NDE1: variants seen among roughly 807,000 people sequenced by gnomAD.
NDE1 encodes the protein nuclear distribution protein nudE homolog 1.
In NDE1, 28 loss-of-function variants were observed where a neutral mutation model predicts 43.4. That is an observed-to-expected ratio of 0.65 (90% CI 0.48 to 0.89). NDE1 has a LOEUF of 0.89. NDE1 is among the 40% of genes least tolerant of loss of function. The probability of loss-of-function intolerance (pLI) is 0.00; values close to 1 mark genes in which losing one functional copy is unlikely to be tolerated. For synonymous variants in NDE1, 184 were observed against 172.0 expected, an observed-to-expected ratio of 1.07 and a Z score of -0.55; for missense variants, 441 against 434.1, an observed-to-expected ratio of 1.02 and a Z score of -0.14.
chr16:15,692,983 G>A (rs1027046939), intron 6 of NDE1, among the ~76,000 whole-genome samples: 4 of 151,258 alleles, frequency 2.6e-5, no homozygotes, highest in East Asian at 1.9e-4. Context: ...TCTTGGGTGG[G>A]GCCTGAAATT....
At chr16:15,680,892 G>A (rs1017773235) in intron 4 of NDE1, among the ~76,000 whole-genome samples, 43 of 151,714 alleles carry the variant, frequency 2.8e-4, no homozygotes, top group African/African-American at 8.2e-4. Flanking sequence ...AATTTTTTCC[G>A]TGGTAATCTT....
At chr16:15,650,315 G>A in intron 1 of NDE1, 21 bp downstream of exon 1, 1 of 267,930 alleles carries the variant, frequency 3.7e-6, no homozygotes, top group Non-Finnish European at 7.7e-6. Context: ...CGCTGCGCGG[G>A]GCTGGGGTCG....
rs71134448 is a variant in NDE1, at chr16:15,681,253, CTTTTTTTTTTT to C, written c.386+3324_386+3334del. On this transcript the variant is annotated intron_variant, in intron 4 of 8. Coordinates refer to ENST00000396354, the MANE Select transcript of NDE1 (RefSeq NM_017668.3). Reference sequence around the variant, plus strand: ...TTGTGCCAGCACTGTTAAACACTGCCTTTTTTTTTTTTTTTTTTTTTTTTTTTTTTGAGACT... The same window carrying C: ...TTGTGCCAGCACTGTTAAACACTGCCTTTTTTTTTTTTTTTTTTTGAGACT... Among the ~76,000 whole-genome samples the C allele has an allele frequency of 1.9e-4, 6 of 31,428 alleles. 1 individual carries two copies. The highest frequency in any genetic ancestry group is 3.3e-4 in the Non-Finnish European group (6 of 18,410). 20.6% of individuals were successfully genotyped at this position (31,428 alleles called of 152,430 possible).
intron 8 of NDE1, among the ~76,000 whole-genome samples, chr16:15,706,907 A>G (rs571861850): frequency 1.2e-3 from 187 of 152,270 alleles, no homozygotes; most frequent in Non-Finnish European, 1.9e-3. Context: ...AGCCTGCAAG[A>G]TACTCTGTTT....
chr16:15,687,521 C>A lies in NDE1; in HGVS notation c.523+10C>A. The stretch of plus-strand genomic sequence containing the variant: ...AAGGATGAAGCCAGAGGTCAGGAGG[C>A]CTTGGTGTCTTCACCAGCATGGTCC... On this transcript the variant is annotated intron_variant, in intron 5 of 8. Transcript: ENST00000396354. The A allele has an allele frequency of 3.7e-6, 6 of 1,610,588 alleles. No individual in the cohort carries two copies. Among genetic ancestry groups the A allele is most frequent in the Non-Finnish European group, 5.1e-6 (6 of 1,177,044 alleles).
Position 15,724,778 on chromosome 16 carries a change from G to C in NDE1, c.*527G>C. 1 of 1,614,016 alleles carries C rather than the reference G, an allele frequency of 6.2e-7. No homozygotes were observed. Among genetic ancestry groups the C allele is most frequent in the South Asian group, 1.1e-5 (1 of 91,086 alleles). On this transcript the variant is annotated 3_prime_UTR_variant, in exon 9 of 9. Coordinates refer to ENST00000396354, the MANE Select transcript of NDE1 (RefSeq NM_017668.3). ...TTCGTAGACACGTTGAGCTTCTGCC[G>C]GGTTTCTTCTTGAAGCAGCTCCTGC...
intron 7 of NDE1, 113 bp downstream of exon 7, chr16:15,694,369 A>T: frequency 6.5e-7 from 1 of 1,541,496 alleles, no homozygotes; most frequent in Non-Finnish European, 8.7e-7. Flanking sequence ...TTTTAGAGAC[A>T]GGGTCTTGCT....
chr16:15,660,414 A>T (rs2036984752), intron 1 of NDE1, among the ~76,000 whole-genome samples: 3 of 152,064 alleles, frequency 2.0e-5, no homozygotes, highest in Non-Finnish European at 4.4e-5. Context: ...TCAAAGATGC[A>T]GTGAGCTATG....
At chr16:15,697,254 T>C (rs1488010499) in intron 8 of NDE1, among the ~76,000 whole-genome samples, 1 of 152,032 alleles carries the variant, frequency 6.6e-6, no homozygotes, top group African/African-American at 2.4e-5. Context: ...TGTTGCCGAG[T>C]TTGGTCTCAA....
upstream of NDE1, among the ~76,000 whole-genome samples, chr16:15,649,920 C>A (rs1383135818): frequency 6.6e-6 from 1 of 152,202 alleles, no homozygotes; most frequent in African/African-American, 2.4e-5. Flanking sequence ...AAGGAGAGGC[C>A]GGCGTATTTT....
At chr16:15,712,036 T>C (rs142885282) in intron 8 of NDE1, among the ~76,000 whole-genome samples, 1 of 151,700 alleles carries the variant, frequency 6.6e-6, no homozygotes, top group South Asian at 2.1e-4. Context: ...CTCCCATAGA[T>C]GGGATGTGGG....
chr16:15,694,483 C>A, intron 7 of NDE1: 1 of 1,268,924 alleles, frequency 7.9e-7, no homozygotes, highest in Admixed American at 2.2e-5. Context: ...GGAGCTTGGA[C>A]CACAGGTGTG....
Position 15,667,452 on chromosome 16 carries a change from G to A in NDE1, c.237+13G>A. ...GGAAACCATCAAGGTGAGGGGCTGA[G>A]AGGAAGTGTGCTCAGGTGTAGACAG... On this transcript the variant is annotated intron_variant, in intron 3 of 8. Coordinates refer to ENST00000396354, the MANE Select transcript of NDE1 (RefSeq NM_017668.3). 1 of 1,613,476 alleles carries A rather than the reference G, an allele frequency of 6.2e-7. No individual in the cohort carries two copies. Among genetic ancestry groups the A allele is most frequent in the Non-Finnish European group, 8.5e-7 (1 of 1,179,816 alleles).
rs992003993 is a variant in NDE1 at position 15,714,847 on chromosome 16, G to A, written c.948-9344G>A. The A allele has an allele frequency of 5.4e-5, 87 of 1,599,684 alleles. No homozygotes were observed. The Middle Eastern group carries it at 2.2e-3, about 41-fold the overall frequency. ...GGCATTTGCAGGCCGAAAGGAGCCC[G>A]AGCCCCCAGTGCTTTTCTCTGGCCT... On this transcript the variant is annotated intron_variant, in intron 8 of 8. Transcript: ENST00000396354.
At chr16:15,693,611 G>C (rs1241954921) in intron 6 of NDE1, among the ~76,000 whole-genome samples, 1 of 151,948 alleles carries the variant, frequency 6.6e-6, no homozygotes, top group Admixed American at 6.6e-5. Context: ...GATCAGCCTG[G>C]GCAACATAGT....
chr16:15,668,296 G>A (rs2037418581), intron 3 of NDE1, among the ~76,000 whole-genome samples: 1 of 152,204 alleles, frequency 6.6e-6, no homozygotes, highest in Non-Finnish European at 1.5e-5. Context: ...GTTGGAGGCT[G>A]TAGTGAGCTG....
intron 1 of NDE1, among the ~76,000 whole-genome samples, chr16:15,655,585 T>A (rs2036720423): frequency 6.6e-6 from 1 of 152,128 alleles, no homozygotes; most frequent in Non-Finnish European, 1.5e-5. Context: ...TCCTCAGGGA[T>A]CTAGAACTGG....
chr16:15,651,585 G>T (rs576693334), intron 1 of NDE1: 5 of 152,360 alleles, frequency 3.3e-5, no homozygotes, highest in Admixed American at 2.6e-4. Context: ...GGGACTACAG[G>T]TGCGTGCCAC....
intron 7 of NDE1, among the ~76,000 whole-genome samples, chr16:15,696,407 G>T (rs1374805471): frequency 6.6e-6 from 1 of 151,814 alleles, no homozygotes; most frequent in Non-Finnish European, 1.5e-5. Context: ...ACTGAGATGG[G>T]ATCTTACTTT....
Sources: gnomAD v4.1 joint callset for allele counts (sites outside exome capture counted in the v4.1 genomes callset) on GRCh38, gnomAD v4.1.1 for gene constraint, MANE v1.5 for transcripts, NCBI Gene and HGNC (gene_info 2026-07-23, HGNC 2026-07-21) for gene names.